BMP2K: variants seen among roughly 807,000 people sequenced by gnomAD.
BMP2K encodes BMP2 inducible kinase, also known as BMP-2-inducible protein kinase.
Under a neutral mutation model 116.0 loss-of-function variants are expected in BMP2K, and 74 were observed. That is an observed-to-expected ratio of 0.64 (90% CI 0.53 to 0.77). BMP2K has a LOEUF of 0.77. Ranked by LOEUF, BMP2K falls within the 30% of genes least tolerant of loss-of-function variation. The pLI, the probability that BMP2K is intolerant of heterozygous loss-of-function variation, is 0.00. For missense variants in BMP2K, 1,365 were observed against 1,403.6 expected (o/e 0.97, Z 0.44); for synonymous variants, 486 against 502.5 (o/e 0.97, Z 0.44).
chr4:78,776,789 G>T, intron 1 of BMP2K, 68 bp downstream of exon 1: 1 of 1,193,844 alleles, frequency 8.4e-7, no homozygotes, highest in Non-Finnish European at 1.0e-6. Context: ...CGGCTTCTCC[G>T]GGTCCTCGCC....
In BMP2K at chr4:78,831,529, C is replaced by A. The variant is rs1028598139; in HGVS notation, c.298-2053C>A. On this transcript the variant is annotated intron_variant, in intron 2 of 15. Coordinates refer to ENST00000502613, the MANE Select transcript of BMP2K (RefSeq NM_198892.2). ...TGCTATTCTCCTTATCCAAAAAAAT[C>A]CTACTGTCTGAATTCTGTGTTTACT... Among the ~76,000 whole-genome samples the A allele has an allele frequency of 4.6e-5, 7 of 152,264 alleles. 1 individual carries two copies. The South Asian group carries it at 1.5e-3, about 32-fold the overall frequency.
chr4:78,807,642 A>AAAATCTTTTATCT (rs1433945903), intron 1 of BMP2K, among the ~76,000 whole-genome samples: 1 of 151,908 alleles, frequency 6.6e-6, no homozygotes, highest in East Asian at 1.9e-4. Context: ...CTTTTATCAA[A>AAAATCTTTTATCT]TTGATAATTT....
intron 1 of BMP2K, among the ~76,000 whole-genome samples, chr4:78,807,024 A>AT (rs1267668982): frequency 3.3e-5 from 5 of 150,978 alleles, no homozygotes; most frequent in African/African-American, 4.9e-5. Context: ...TAATTTTCGT[A>AT]TTTTTTTAGT....
rs1405046728 is a variant in BMP2K, at chr4:78,911,966, A to G, written c.3419A>G (p.Gln1140Arg). Residue 1140 changes from glutamine to arginine, a missense_variant, in exon 16 of 16, where the codon CAG becomes CGG. This residue lies in a region of BMP2K where 596 missense variants were observed against 623.2 expected (regional missense o/e 0.96). Transcript: ENST00000502613. ...GTGGTGCAAAGCATCACTCCACATC[A>G]GTCCCAACAGTCCCAACCAGTCGAA... ...ELVVQSITPH[Q>R]SQQSQPVELD... 1.2e-6 allele frequency: 2 copies of G among 1,613,960 alleles called. No individual in the cohort carries two copies. The highest frequency in any genetic ancestry group is 2.2e-5 in the East Asian group (1 of 44,874).
At chr4:78,868,665 G>A (rs1288341170) in intron 10 of BMP2K, among the ~76,000 whole-genome samples, 2 of 152,148 alleles carry the variant, frequency 1.3e-5, no homozygotes, top group Non-Finnish European at 2.9e-5. Flanking sequence ...AAGGTATTGG[G>A]TAGATACAGC....
rs187564473 is a variant in BMP2K, at chr4:78,823,952, T to G, written c.179-2085T>G. Among the ~76,000 whole-genome samples, 785 of 152,354 alleles carry G rather than the reference T, an allele frequency of 5.2e-3. 4 individuals carry two copies. Among genetic ancestry groups the G allele is most frequent in the African/African-American group, 0.017 (726 of 41,584 alleles). On this transcript the variant is annotated intron_variant, in intron 1 of 15. Coordinates refer to ENST00000502613, the MANE Select transcript of BMP2K (RefSeq NM_198892.2). ...GTAACCAAATAAAATTATGGTAGTTTAAGTGGCCCTTTCTATTAGGTCTTC... is the reference window on the plus strand; with the variant it reads ...GTAACCAAATAAAATTATGGTAGTTGAAGTGGCCCTTTCTATTAGGTCTTC...
At chr4:78,819,033 G>A (rs956757038) in intron 1 of BMP2K, among the ~76,000 whole-genome samples, 65 of 151,932 alleles carry the variant, frequency 4.3e-4, no homozygotes, top group Admixed American at 7.2e-4. Flanking sequence ...GAAGCAATAA[G>A]CACTTCTATG....
chr4:78,825,801 A>T (rs1380390101), intron 1 of BMP2K, among the ~76,000 whole-genome samples: 4 of 152,366 alleles, frequency 2.6e-5, no homozygotes, highest in African/African-American at 9.6e-5. Context: ...GTGAAATTTT[A>T]GCCTTTAAGA....
rs1727315526 is a variant in BMP2K at position 78,777,773 on chromosome 4, A to AT, written c.178+1058dup. Among the ~76,000 whole-genome samples, 3 of 152,328 alleles carry AT rather than the reference A, an allele frequency of 2.0e-5. 1 individual carries two copies. The South Asian group carries it at 6.2e-4, about 32-fold the overall frequency. ...AACAGTAGACTGAGATTCCGCTTGT[A>AT]TTTTTTGAAATGCTATACACAACAG... On this transcript the variant is annotated intron_variant, in intron 1 of 15. Coordinates refer to ENST00000502613, the MANE Select transcript of BMP2K (RefSeq NM_198892.2).
At chr4:78,902,789 T>C (rs1292592331) in intron 15 of BMP2K, among the ~76,000 whole-genome samples, 1 of 152,148 alleles carries the variant, frequency 6.6e-6, no homozygotes, top group Non-Finnish European at 1.5e-5. Flanking sequence ...AGCGGTAATA[T>C]GCATAGTATG....
rs1729864530 is a variant in BMP2K at position 78,826,171 on chromosome 4, G to A, written c.297+16G>A. 1.3e-6 allele frequency: 2 copies of A among 1,567,964 alleles called. No homozygotes were observed. Among genetic ancestry groups the A allele is most frequent in the African/African-American group, 1.4e-5 (1 of 73,394 alleles). ...TACAATTATGGTAAGTGAAGGAGTA[G>A]TTCTCTTTCAGAAATTTTGCAAGTT... is the stretch of plus-strand genomic sequence containing the variant. On this transcript the variant is annotated intron_variant, in intron 2 of 15. Coordinates refer to ENST00000502613, the MANE Select transcript of BMP2K (RefSeq NM_198892.2).
Position 78,792,975 on chromosome 4 carries a change from TATC to T in BMP2K, c.178+16257_178+16259del, listed in dbSNP as rs945630071. ...TGTACTTCATTCAACCAAAACAACA[TATC>T]ATATAGATTTACTGTCAAAGTAGGT... On this transcript the variant is annotated intron_variant, in intron 1 of 15. Transcript: ENST00000502613. Among the ~76,000 whole-genome samples, 90 of 152,300 alleles carry T rather than the reference TATC, an allele frequency of 5.9e-4. 1 individual carries two copies. Among genetic ancestry groups the T allele is most frequent in the African/African-American group, 2.1e-3 (87 of 41,556 alleles).
chr4:78,893,231 C>G (rs1443122699), intron 15 of BMP2K, among the ~76,000 whole-genome samples: 1 of 152,334 alleles, frequency 6.6e-6, no homozygotes, highest in East Asian at 1.9e-4. Flanking sequence ...TTTGCTCAAG[C>G]ATAAGCAACT....
At chr4:78,874,357 A>T (rs1394895492) in intron 13 of BMP2K, among the ~76,000 whole-genome samples, 1 of 152,248 alleles carries the variant, frequency 6.6e-6, no homozygotes, top group Admixed American at 6.5e-5. Flanking sequence ...AACAAATAAG[A>T]TCCACTAAAA....
At chr4:78,807,050 C>A (rs900439141) in intron 1 of BMP2K, among the ~76,000 whole-genome samples, 1 of 152,042 alleles carries the variant, frequency 6.6e-6, no homozygotes. Flanking sequence ...TGGGGTTTAG[C>A]CATGTTGGCC....
At chr4:78,790,615 A>G (rs1727950705) in intron 1 of BMP2K, among the ~76,000 whole-genome samples, 1 of 152,232 alleles carries the variant, frequency 6.6e-6, no homozygotes, top group Admixed American at 6.5e-5. Flanking sequence ...TAAACTCAGT[A>G]CAAAAAAAGA....
intron 1 of BMP2K, among the ~76,000 whole-genome samples, chr4:78,791,148 A>G (rs1727977217): frequency 6.6e-6 from 1 of 152,168 alleles, no homozygotes; most frequent in Admixed American, 6.5e-5. Context: ...CAAAACACAA[A>G]TAAAACTTTT....
intron 15 of BMP2K, among the ~76,000 whole-genome samples, chr4:78,893,051 A>G (rs1214609403): frequency 6.6e-6 from 1 of 152,256 alleles, no homozygotes; most frequent in African/African-American, 2.4e-5. Context: ...GCTGTTTGAT[A>G]TAATTTTTTA....
intron 15 of BMP2K, among the ~76,000 whole-genome samples, chr4:78,898,412 C>T (rs991363379): frequency 2.0e-5 from 3 of 151,622 alleles, no homozygotes; most frequent in African/African-American, 7.3e-5. Context: ...TGAAGAACTT[C>T]AGGATGTTAG....
Sources: gnomAD v4.1 joint callset for allele counts (sites outside exome capture counted in the v4.1 genomes callset) on GRCh38, gnomAD v4.1.1 for gene constraint, gnomAD v4.1.1 regional missense constraint, MANE v1.5 for transcripts, NCBI Gene and HGNC (gene_info 2026-07-23, HGNC 2026-07-21) for gene names.